The following ZNF618 variants were observed in gnomAD, a reference collection of about 807,000 sequenced individuals.
ZNF618 encodes the protein neural precursor cell expressed, developmentally down-regulated 10.
Under a neutral mutation model 103.0 loss-of-function variants are expected in ZNF618, and 34 were observed. That is an observed-to-expected ratio of 0.33 (90% CI 0.25 to 0.44). The LOEUF (loss-of-function observed/expected upper bound fraction) is 0.44. Ranked by LOEUF, ZNF618 falls within the 20% of genes least tolerant of loss-of-function variation. ZNF618 has a pLI of 1.00. For synonymous variants in ZNF618, 551 were observed against 542.2 expected (o/e 1.02, Z -0.23); for missense variants, 1,059 against 1,295.4 (o/e 0.82, Z 2.80).
chr9:114,015,436 GTTC>G (rs551680315), intron 9 of ZNF618, among the ~76,000 whole-genome samples: 5 of 152,158 alleles, frequency 3.3e-5, no homozygotes, highest in Non-Finnish European at 5.9e-5. Context: ...GTGTAATATA[GTTC>G]TTCTCATCAG....
intron 1 of ZNF618, among the ~76,000 whole-genome samples, chr9:113,919,195 CAG>C (rs1832406976): frequency 6.6e-6 from 1 of 152,058 alleles, no homozygotes. Context: ...GAAAGTGAGA[CAG>C]GGCTGGCAGA....
intron 1 of ZNF618, among the ~76,000 whole-genome samples, chr9:113,916,156 T>C (rs1470818911): frequency 6.6e-6 from 1 of 152,008 alleles, no homozygotes; most frequent in African/African-American, 2.4e-5. Flanking sequence ...CCCGAAAGCT[T>C]TTTTTGCAAC....
In ZNF618 at chr9:114,056,516, G is replaced by A. The variant is rs1476694979; in HGVS notation, c.*6349G>A. 1 of 152,210 alleles carries A rather than the reference G, an allele frequency of 6.6e-6. No homozygotes were observed. The highest frequency in any genetic ancestry group is 2.1e-4 in the South Asian group (1 of 4,836). The allele number at this position is 152,210 out of a possible 1,614,324, so 9.4% of individuals were successfully genotyped here. On this transcript the variant is annotated 3_prime_UTR_variant, in exon 15 of 15. Coordinates refer to ENST00000374126, the MANE Select transcript of ZNF618 (RefSeq NM_001318042.2). ...CAAGGCAAAAAGATAACTTTTAACA[G>A]TTAGAGAGGATCAGTTGCTTAAATG...
chr9:114,016,132 C>G, intron 9 of ZNF618: 2 of 1,612,920 alleles, frequency 1.2e-6, no homozygotes, highest in Non-Finnish European at 1.7e-6. Context: ...TTACATCAGA[C>G]ATTTTTAAGA....
intron 1 of ZNF618, among the ~76,000 whole-genome samples, chr9:113,963,507 A>G (rs1252101465): frequency 1.3e-5 from 2 of 152,152 alleles, no homozygotes; most frequent in East Asian, 1.9e-4. Flanking sequence ...AAGGGTGCAG[A>G]GAAGCCTGAA....
chr9:113,969,078 T>C, intron 1 of ZNF618, 39 bp from the exon 2 acceptor site: 1 of 1,613,536 alleles, frequency 6.2e-7, no homozygotes, highest in Non-Finnish European at 8.5e-7. Context: ...CTGCATCTTC[T>C]GCCTTGGCTG....
At chr9:113,876,759 C>T (rs1827979596) in intron 1 of ZNF618, among the ~76,000 whole-genome samples, 2 of 151,898 alleles carry the variant, frequency 1.3e-5, no homozygotes, top group Admixed American at 1.3e-4. Context: ...CCCCTTCCAG[C>T]TCTGCCCCCT....
At chr9:113,878,917 C>T (rs1828222339) in intron 1 of ZNF618, among the ~76,000 whole-genome samples, 1 of 152,012 alleles carries the variant, frequency 6.6e-6, no homozygotes, top group African/African-American at 2.4e-5. Context: ...CATTTCCCAT[C>T]ATCGCCATTG....
At chr9:113,975,560 A>G (rs1466688594) in intron 2 of ZNF618, among the ~76,000 whole-genome samples, 1 of 152,198 alleles carries the variant, frequency 6.6e-6, no homozygotes, top group African/African-American at 2.4e-5. Flanking sequence ...CCAAAATCCA[A>G]AACTTTTTGA....
intron 1 of ZNF618, among the ~76,000 whole-genome samples, chr9:113,937,442 G>A (rs529010190): frequency 6.6e-6 from 1 of 152,166 alleles, no homozygotes; most frequent in Non-Finnish European, 1.5e-5. Flanking sequence ...CAAATCTACA[G>A]ACCTTACTCA....
intron 1 of ZNF618, among the ~76,000 whole-genome samples, chr9:113,946,389 G>A (rs1333918952): frequency 7.6e-6 from 1 of 131,606 alleles, no homozygotes; most frequent in African/African-American, 2.7e-5. Context: ...GTGAAGTGGG[G>A]GAAGTCTTCA....
intron 1 of ZNF618, among the ~76,000 whole-genome samples, chr9:113,888,153 A>T (rs1313934326): frequency 6.6e-6 from 1 of 152,192 alleles, no homozygotes; most frequent in Non-Finnish European, 1.5e-5. Flanking sequence ...CCATATTCTA[A>T]GCTCACAACA....
chr9:113,964,110 G>C (rs10156410), intron 1 of ZNF618, among the ~76,000 whole-genome samples: 2,817 of 152,250 alleles, frequency 0.019, 79 homozygotes, highest in African/African-American at 0.065. Flanking sequence ...CTTGAGCTTG[G>C]CTAGCTGAGG....
chr9:114,020,955 A>C (rs1464172579), intron 10 of ZNF618, among the ~76,000 whole-genome samples: 4 of 150,690 alleles, frequency 2.7e-5, no homozygotes, highest in Admixed American at 6.7e-5. Context: ...CAGTTGAATA[A>C]GTTACCTCTT....
intron 3 of ZNF618, among the ~76,000 whole-genome samples, chr9:113,988,993 TG>T (rs1167580366): frequency 6.6e-6 from 1 of 152,280 alleles, no homozygotes; most frequent in East Asian, 1.9e-4. Flanking sequence ...CCATCAGGAT[TG>T]GATCAGTGAC....
intron 2 of ZNF618, among the ~76,000 whole-genome samples, chr9:113,977,871 T>C (rs1036226106): frequency 3.2e-4 from 48 of 152,200 alleles, no homozygotes; most frequent in African/African-American, 9.4e-4. Context: ...AGTCTAGGTT[T>C]AACTTAACCA....
chr9:114,020,828 C>A (rs1041397538), intron 10 of ZNF618, among the ~76,000 whole-genome samples: 1 of 151,798 alleles, frequency 6.6e-6, no homozygotes, highest in African/African-American at 2.4e-5. Flanking sequence ...CCCTCCAGTA[C>A]AATGTTGAAT....
chr9:113,986,874 A>C (rs552483101), intron 2 of ZNF618, among the ~76,000 whole-genome samples: 1 of 152,212 alleles, frequency 6.6e-6, no homozygotes, highest in African/African-American at 2.4e-5. Flanking sequence ...ATGTGATTAA[A>C]CCCATGCTCC....
chr9:113,936,958 TGGAG>T lies in ZNF618; in HGVS notation c.34-32154_34-32151del, dbSNP rs560076583. On this transcript the variant is annotated intron_variant, in intron 1 of 14. Transcript: ENST00000374126. ...ATCTGATTTTCTTTATAAAACTTGA[TGGAG>T]GGAGTTGAAACTTCCTTCCCCAACC... 2.6e-5 allele frequency among the ~76,000 whole-genome samples: 4 copies of T among 152,310 alleles called. No individual in the cohort carries two copies. In the South Asian group the frequency reaches 8.3e-4, roughly 32 times the overall value.
Sources: allele counts gnomAD v4.1 joint callset (sites outside exome capture counted in the v4.1 genomes callset), GRCh38; gene constraint gnomAD v4.1.1; transcripts MANE v1.5; gene names NCBI Gene and HGNC (gene_info 2026-07-23, HGNC 2026-07-21).